Variants in TBL1X observed in about 807,000 individuals in gnomAD.
TBL1X encodes F-box-like/WD repeat-containing protein TBL1X.
Under a neutral mutation model 50.7 loss-of-function variants are expected in TBL1X, and 10 were observed. The ratio of observed to expected loss-of-function variants is 0.20; its 90% confidence interval spans 0.12 to 0.33. TBL1X has a LOEUF of 0.33. Ranked by LOEUF, TBL1X falls within the 10% of genes least tolerant of loss-of-function variation. The pLI is 1.00. For synonymous variants in TBL1X, 190 were observed against 214.7 expected, an observed-to-expected ratio of 0.88 and a Z score of 1.01; for missense variants, 340 against 504.4, an observed-to-expected ratio of 0.67 and a Z score of 3.12.
intron 2 of TBL1X, among the ~76,000 whole-genome samples, chrX:9,617,538 A>T (rs2082645187): frequency 8.9e-6 from 1 of 112,388 alleles, no homozygotes; most frequent in Non-Finnish European, 1.9e-5. Flanking sequence ...ACAGTGTTTT[A>T]TTCTAGTTCA....
At chrX:9,587,680 C>A (rs1390603340) in intron 2 of TBL1X, among the ~76,000 whole-genome samples, 1 of 111,181 alleles carries the variant, frequency 9.0e-6, no homozygotes, top group Non-Finnish European at 1.9e-5. Context: ...CACGCATTTG[C>A]AGTGCACAGT....
chrX:9,610,576 A>G (rs899539780), intron 2 of TBL1X, among the ~76,000 whole-genome samples: 3 of 111,948 alleles, frequency 2.7e-5, no homozygotes, highest in African/African-American at 9.8e-5. Flanking sequence ...ATCATTTTCT[A>G]TATTTCTGTG....
At chrX:9,663,811 T>C (rs988751137) in intron 5 of TBL1X, among the ~76,000 whole-genome samples, 1 of 109,270 alleles carries the variant, frequency 9.2e-6, no homozygotes, top group African/African-American at 3.3e-5. Flanking sequence ...ATGATTCCAT[T>C]TATAGGACCT....
chrX:9,551,188 G>T (rs755242110), intron 2 of TBL1X, among the ~76,000 whole-genome samples: 2 of 111,365 alleles, frequency 1.8e-5, no homozygotes, highest in African/African-American at 3.3e-5. Flanking sequence ...TATACGATGG[G>T]TGTCCAGCCT....
chrX:9,604,863 G>T (rs2082575222), intron 2 of TBL1X, among the ~76,000 whole-genome samples: 1 of 111,006 alleles, frequency 9.0e-6, no homozygotes, highest in African/African-American at 3.3e-5. Context: ...GATTTTCTGT[G>T]TTTGGAATCC....
intron 8 of TBL1X, 110 bp from the exon 9 acceptor site, chrX:9,692,003 A>G: frequency 3.6e-6 from 4 of 1,124,015 alleles, no homozygotes; most frequent in Non-Finnish European, 4.8e-6. Context: ...GGGATGAAAA[A>G]GACAGAAGAG....
chrX:9,659,597 C>G (rs894838088), intron 5 of TBL1X, among the ~76,000 whole-genome samples: 2 of 112,147 alleles, frequency 1.8e-5, no homozygotes, highest in African/African-American at 6.5e-5. Flanking sequence ...TTTGTATGAA[C>G]GCAGGTTTTC....
At chrX:9,690,069 C>T (rs977412381) in intron 7 of TBL1X, among the ~76,000 whole-genome samples, 8 of 112,396 alleles carry the variant, frequency 7.1e-5, no homozygotes, top group Middle Eastern at 4.2e-3. Context: ...AATTCCTCAC[C>T]GTATTGTGAA....
chrX:9,488,177 A>T, intron 1 of TBL1X, among the ~76,000 whole-genome samples: 1 of 112,261 alleles, frequency 8.9e-6, no homozygotes, highest in Non-Finnish European at 1.9e-5. Flanking sequence ...AATTGATCAT[A>T]TTCATTTCTT....
chrX:9,670,500 T>C (rs1201400830), intron 5 of TBL1X, among the ~76,000 whole-genome samples: 2 of 112,249 alleles, frequency 1.8e-5, no homozygotes, highest in East Asian at 5.6e-4. Context: ...AAACTCTTTA[T>C]TACAATTCCC....
At chrX:9,493,027 G>T (rs2081955343) in intron 1 of TBL1X, among the ~76,000 whole-genome samples, 1 of 111,108 alleles carries the variant, frequency 9.0e-6, no homozygotes, top group Admixed American at 9.6e-5. Flanking sequence ...GCATTGCTAT[G>T]TGACTGGGAG....
At chrX:9,581,539 G>C (rs1016716554) in intron 2 of TBL1X, among the ~76,000 whole-genome samples, 1 of 111,856 alleles carries the variant, frequency 8.9e-6, no homozygotes, top group Non-Finnish European at 1.9e-5. Flanking sequence ...TGTCTCAGTA[G>C]CTGTGTGGGG....
intron 11 of TBL1X, among the ~76,000 whole-genome samples, chrX:9,694,913 C>G (rs757776577): frequency 2.4e-4 from 26 of 108,894 alleles, no homozygotes; most frequent in African/African-American, 7.4e-4. Context: ...GAGCCCAGAT[C>G]GCGCCACTGC....
chrX:9,700,594 C>T (rs1478612980), intron 12 of TBL1X, among the ~76,000 whole-genome samples: 4 of 111,426 alleles, frequency 3.6e-5, no homozygotes, highest in Non-Finnish European at 5.7e-5. Flanking sequence ...TGTTAAAGAA[C>T]GTTCAAAATG....
intron 3 of TBL1X, among the ~76,000 whole-genome samples, chrX:9,642,158 C>T (rs768728567): frequency 9.0e-6 from 1 of 111,665 alleles, no homozygotes; most frequent in East Asian, 2.8e-4. Context: ...ACTTTGGGAA[C>T]ATAAGCTTCA....
At chrX:9,690,899 C>T (rs763347679) in intron 7 of TBL1X, among the ~76,000 whole-genome samples, 3 of 110,254 alleles carry the variant, frequency 2.7e-5, no homozygotes, top group African/African-American at 9.9e-5. Flanking sequence ...TGGCTAACTT[C>T]TTGTTGTTGT....
chrX:9,652,865 AAG>A (rs1305193291), intron 3 of TBL1X, among the ~76,000 whole-genome samples: 2 of 109,545 alleles, frequency 1.8e-5, no homozygotes, highest in African/African-American at 6.6e-5. Context: ...AAAAAAAAAA[AAG>A]AAAGAAAGAA....
intron 6 of TBL1X, among the ~76,000 whole-genome samples, chrX:9,685,661 A>T (rs1341829969): frequency 1.8e-5 from 2 of 108,993 alleles, no homozygotes; most frequent in Non-Finnish European, 3.8e-5. Context: ...TGCTTTAAAA[A>T]ACTCTTTTAG....
intron 2 of TBL1X, among the ~76,000 whole-genome samples, chrX:9,566,398 G>T (rs1321355273): frequency 1.8e-5 from 2 of 112,072 alleles, no homozygotes; most frequent in African/African-American, 6.5e-5. Flanking sequence ...TTTGATATTG[G>T]TAATACAGGA....
Sources: gnomAD v4.1 joint callset for allele counts (sites outside exome capture counted in the v4.1 genomes callset) on GRCh38, gnomAD v4.1.1 for gene constraint, MANE v1.5 for transcripts, NCBI Gene and HGNC (gene_info 2026-07-23, HGNC 2026-07-21) for gene names.